Variants in ADGRF5 observed in about 807,000 individuals in gnomAD.
The protein encoded by ADGRF5 is adhesion G protein-coupled receptor F5.
ADGRF5 carries 75 observed loss-of-function variants against 132.3 expected under a neutral mutation model. The observed-to-expected ratio is 0.57, with a 90% confidence interval of 0.47 to 0.69. ADGRF5 has a LOEUF of 0.69. Ranked by LOEUF, ADGRF5 falls within the 30% of genes least tolerant of loss-of-function variation. The pLI is 0.00. For synonymous variants in ADGRF5, 629 were observed against 597.6 expected, an observed-to-expected ratio of 1.05 and a Z score of -0.77; for missense variants, 1,516 against 1,630.6, an observed-to-expected ratio of 0.93 and a Z score of 1.21.
chr6:46,880,997 G>T (rs1772402881), intron 8 of ADGRF5, among the ~76,000 whole-genome samples: 1 of 152,018 alleles, frequency 6.6e-6, no homozygotes, highest in East Asian at 1.9e-4. Context: ...CTACCCTAGA[G>T]GCTGAAGCAG....
In ADGRF5 at chr6:46,866,968, G is replaced by T. The variant is rs1321515738; in HGVS notation, c.1791C>A (p.Asp597Glu). 6.2e-7 allele frequency: 1 copy of T among 1,613,358 alleles called. No homozygotes were observed. The highest frequency in any genetic ancestry group is 1.1e-5 in the South Asian group (1 of 91,060). Reference protein sequence around the residue: ...HIKCCIEEDGDYKVTFHTGSS... With the variant: ...HIKCCIEEDGEYKVTFHTGSS... ...AACCCGTATGGAAAGTAACTTTGTAGTCTCCATCCTCCTCTATGCAGCACT... is the reference window on the plus strand; with the variant it reads ...AACCCGTATGGAAAGTAACTTTGTATTCTCCATCCTCCTCTATGCAGCACT... Residue 597 changes from aspartate to glutamate, a missense_variant, in exon 13 of 21, where the codon GAC (aspartate) becomes GAA (glutamate). Asp to Glu is a conservative substitution (Grantham distance 45, BLOSUM62 2). Coordinates refer to ENST00000283296, the MANE Select transcript of ADGRF5 (RefSeq NM_001098518.2).
At chr6:46,950,499 G>T (rs1295384714) in intron 1 of ADGRF5, among the ~76,000 whole-genome samples, 2 of 151,998 alleles carry the variant, frequency 1.3e-5, no homozygotes, top group Admixed American at 6.6e-5. Context: ...TTAAGACCTG[G>T]TGTTTTTTGT....
At chr6:46,867,489 G>A (rs955008255) in intron 12 of ADGRF5, among the ~76,000 whole-genome samples, 3 of 152,160 alleles carry the variant, frequency 2.0e-5, no homozygotes, top group Non-Finnish European at 2.9e-5. Context: ...GAGTTTTGCC[G>A]TGCGCAGAGG....
chr6:46,853,912 C>G lies in ADGRF5; in HGVS notation c.*80G>C. On this transcript the variant is annotated 3_prime_UTR_variant, in exon 21 of 21. Coordinates refer to ENST00000283296, the MANE Select transcript of ADGRF5 (RefSeq NM_001098518.2). ...CGGAAACCTGCCCCGAGAACACGTTCCCCATTGCTTTGCAAGCATCTCTTT... is the reference window on the plus strand; with the variant it reads ...CGGAAACCTGCCCCGAGAACACGTTGCCCATTGCTTTGCAAGCATCTCTTT... 1.1e-6 allele frequency: 1 copy of G among 951,064 alleles called. No individual in the cohort carries two copies. The highest frequency in any genetic ancestry group is 2.8e-5 in the East Asian group (1 of 36,320). The allele number at this position is 951,064 out of a possible 1,614,324, so 58.9% of individuals were successfully genotyped here.
At chr6:46,940,703 C>A (rs1778015986) in intron 1 of ADGRF5, among the ~76,000 whole-genome samples, 1 of 152,126 alleles carries the variant, frequency 6.6e-6, no homozygotes, top group South Asian at 2.1e-4. Flanking sequence ...TCCTGCTTTG[C>A]AAAGAGAAAT....
chr6:46,950,741 T>C (rs1345843560), intron 1 of ADGRF5, among the ~76,000 whole-genome samples: 1 of 152,130 alleles, frequency 6.6e-6, no homozygotes, highest in Non-Finnish European at 1.5e-5. Flanking sequence ...TCTCGATCTC[T>C]TGACTTCGTG....
intron 3 of ADGRF5, among the ~76,000 whole-genome samples, chr6:46,889,486 C>A (rs1342534218): frequency 7.0e-6 from 1 of 141,970 alleles, no homozygotes; most frequent in Non-Finnish European, 1.5e-5. Flanking sequence ...TATATATAGT[C>A]TAAGTTTATA....
upstream of ADGRF5, among the ~76,000 whole-genome samples, chr6:46,926,858 G>A (rs1367634448): frequency 6.6e-6 from 1 of 152,150 alleles, no homozygotes; most frequent in East Asian, 1.9e-4. Context: ...TTAGAAGGAA[G>A]CTACACTTTT....
intron 12 of ADGRF5, among the ~76,000 whole-genome samples, chr6:46,867,765 A>G (rs902238325): frequency 4.7e-5 from 7 of 149,246 alleles, no homozygotes; most frequent in Non-Finnish European, 7.4e-5. Context: ...GCGAACGAGC[A>G]AAGAAAGGAA....
intron 1 of ADGRF5, among the ~76,000 whole-genome samples, chr6:46,938,025 T>C (rs1777914338): frequency 6.6e-6 from 1 of 152,138 alleles, no homozygotes; most frequent in Non-Finnish European, 1.5e-5. Flanking sequence ...TGCTAATAAG[T>C]TGGGGGGTAG....
At chr6:46,868,810 C>T in intron 12 of ADGRF5, 73 bp downstream of exon 12, 2 of 944,620 alleles carry the variant, frequency 2.1e-6, no homozygotes, top group Non-Finnish European at 1.7e-6. Flanking sequence ...GAAGACCCTA[C>T]ACAGATGGTA....
intron 10 of ADGRF5, 38 bp downstream of exon 10, chr6:46,878,164 A>G (rs1362273089): frequency 1.4e-6 from 2 of 1,406,462 alleles, no homozygotes; most frequent in Admixed American, 1.7e-5. Context: ...CCAAGAGGCA[A>G]AAACCTATTT....
rs1395478245 is a variant in ADGRF5, at chr6:46,877,455, G to A, written c.1240+747C>T. The stretch of plus-strand genomic sequence containing the variant: ...AATCTGAACCTCAATTTCCTTATTT[G>A]CAAATTGGAAGTAAAATGCTTCAAA... On this transcript the variant is annotated intron_variant, in intron 10 of 20. Transcript: ENST00000283296. 1.3e-4 allele frequency among the ~76,000 whole-genome samples: 19 copies of A among 148,558 alleles called. No individual in the cohort carries two copies. The Admixed American group carries it at 1.3e-3, about 10-fold the overall frequency.
chr6:46,938,679 C>T (rs1207327554), intron 1 of ADGRF5, among the ~76,000 whole-genome samples: 1 of 152,112 alleles, frequency 6.6e-6, no homozygotes, highest in Non-Finnish European at 1.5e-5. Context: ...CTGGGTTCCC[C>T]CTGTGAGTTC....
At chr6:46,914,290 C>T (rs558109600) in intron 1 of ADGRF5, among the ~76,000 whole-genome samples, 1 of 152,262 alleles carries the variant, frequency 6.6e-6, no homozygotes, top group South Asian at 2.1e-4. Flanking sequence ...TAAGAGCCTG[C>T]CTTCATAAAT....
chr6:46,885,741 G>A (rs901317086), intron 4 of ADGRF5, among the ~76,000 whole-genome samples: 5 of 152,304 alleles, frequency 3.3e-5, no homozygotes, highest in Middle Eastern at 3.4e-3. Context: ...CAGGATGTAT[G>A]TTAGAGCATA....
intron 1 of ADGRF5, among the ~76,000 whole-genome samples, chr6:46,927,426 C>A (rs113643482): frequency 2.1e-4 from 32 of 152,062 alleles, no homozygotes; most frequent in African/African-American, 7.7e-4. Flanking sequence ...GAATTCAGAT[C>A]TTGTGTCTCT....
At chr6:46,921,142 G>A (rs1034776131) in intron 1 of ADGRF5, among the ~76,000 whole-genome samples, 2 of 152,094 alleles carry the variant, frequency 1.3e-5, no homozygotes, top group African/African-American at 2.4e-5. Context: ...CCTTCCTAAT[G>A]CTGACTACAA....
chr6:46,932,966 C>T (rs935976674), intron 1 of ADGRF5, among the ~76,000 whole-genome samples: 1 of 152,162 alleles, frequency 6.6e-6, no homozygotes, highest in African/African-American at 2.4e-5. Flanking sequence ...TGAAAAACAA[C>T]AATGGCTCTG....
Sources: gnomAD v4.1 joint callset for allele counts (sites outside exome capture counted in the v4.1 genomes callset) on GRCh38, gnomAD v4.1.1 for gene constraint, MANE v1.5 for transcripts, NCBI Gene and HGNC (gene_info 2026-07-23, HGNC 2026-07-21) for gene names.